Variants in P2RY14 observed in about 807,000 individuals in gnomAD.
The protein encoded by P2RY14 is P2Y purinoceptor 14.
P2RY14 carries 2 observed loss-of-function variants against 0.9 expected under a neutral mutation model. That is an observed-to-expected ratio of 2.16 (90% confidence interval 0.88 to 6.79). The LOEUF (loss-of-function observed/expected upper bound fraction) is 6.79, where lower values mean the gene tolerates loss of function less well. P2RY14 is among the 30% of genes most tolerant of loss of function. P2RY14 has a pLI of 0.05. For synonymous variants in P2RY14, 158 were observed against 147.2 expected (o/e 1.07, Z -0.53); for missense variants, 378 against 400.1 (o/e 0.94, Z 0.47).
At chr3:151,230,032 C>A (rs576619462) in intron 1 of P2RY14, among the ~76,000 whole-genome samples, 91 of 152,040 alleles carry the variant, frequency 6.0e-4, no homozygotes, top group African/African-American at 2.1e-3. Context: ...TGCAGTGGTG[C>A]GATCTCAGCT....
At chr3:151,216,580 A>G (rs1318128523) in intron 2 of P2RY14, among the ~76,000 whole-genome samples, 2 of 152,072 alleles carry the variant, frequency 1.3e-5, no homozygotes, top group East Asian at 3.9e-4. Flanking sequence ...GATAGACTTG[A>G]TTTTGCCAGT....
intron 1 of P2RY14, among the ~76,000 whole-genome samples, chr3:151,238,063 T>C (rs1733282722): frequency 6.6e-6 from 1 of 152,192 alleles, no homozygotes; most frequent in Non-Finnish European, 1.5e-5. Context: ...TTATCGTTTT[T>C]TTCTTTTCTA....
intron 1 of P2RY14, among the ~76,000 whole-genome samples, chr3:151,236,780 C>T (rs1247481488): frequency 1.3e-5 from 2 of 152,082 alleles, no homozygotes; most frequent in African/African-American, 4.8e-5. Flanking sequence ...TCATATATAT[C>T]GTACACATCC....
chr3:151,223,861 GCC>G, intron 1 of P2RY14, among the ~76,000 whole-genome samples: 1 of 152,110 alleles, frequency 6.6e-6, no homozygotes, highest in African/African-American at 2.4e-5. Flanking sequence ...AAAGAACATT[GCC>G]TACTCCTGGG....
At position 151,242,433 on chromosome 3, in the gene P2RY14, C is replaced by G. The variant is rs1368879054; in HGVS notation, c.-132-22791G>C. 2.2e-3 allele frequency among the ~76,000 whole-genome samples: 338 copies of G among 151,312 alleles called. 1 individual carries two copies. Among genetic ancestry groups the G allele is most frequent in the Middle Eastern group, 3.4e-3 (1 of 294 alleles). ...AGCACGCAGCTGGAGATCTGAGAACCGGCAGACTGCCTCCTCAAGTGGGTC... is the reference window on the plus strand; with the variant it reads ...AGCACGCAGCTGGAGATCTGAGAACGGGCAGACTGCCTCCTCAAGTGGGTC... On this transcript the variant is annotated intron_variant, in intron 1 of 2. Transcript: ENST00000309170.
chr3:151,255,855 A>G (rs1737718041), intron 1 of P2RY14, among the ~76,000 whole-genome samples: 1 of 152,190 alleles, frequency 6.6e-6, no homozygotes, highest in Non-Finnish European at 1.5e-5. Flanking sequence ...TCAGGCTGGT[A>G]ATGTAATCTC....
chr3:151,248,392 A>T (rs893999422), intron 1 of P2RY14, among the ~76,000 whole-genome samples: 2 of 152,064 alleles, frequency 1.3e-5, no homozygotes, highest in African/African-American at 4.8e-5. Context: ...TGGTTTCATT[A>T]TTTGTAGAGT....
intron 1 of P2RY14, among the ~76,000 whole-genome samples, chr3:151,262,241 G>A (rs1361538216): frequency 1.3e-5 from 2 of 152,202 alleles, no homozygotes; most frequent in Non-Finnish European, 2.9e-5. Context: ...GTTTCAGGAT[G>A]TATCCCATCA....
chr3:151,267,261 T>G (rs1434192010), intron 1 of P2RY14, among the ~76,000 whole-genome samples: 1 of 152,154 alleles, frequency 6.6e-6, no homozygotes, highest in Non-Finnish European at 1.5e-5. Context: ...GATTGTACAT[T>G]GTCATTTAGA....
intron 1 of P2RY14, among the ~76,000 whole-genome samples, chr3:151,223,767 TA>T (rs1330925340): frequency 6.6e-6 from 1 of 152,170 alleles, no homozygotes; most frequent in African/African-American, 2.4e-5. Context: ...ATGGGTTCAC[TA>T]GAAGCCCAAA....
intron 1 of P2RY14, among the ~76,000 whole-genome samples, chr3:151,252,448 A>G (rs377727728): frequency 6.6e-6 from 1 of 152,146 alleles, no homozygotes; most frequent in African/African-American, 2.4e-5. Context: ...GTTTCTCCCA[A>G]CTAGATTGGG....
chr3:151,237,677 A>C (rs1013139007), intron 1 of P2RY14, among the ~76,000 whole-genome samples: 1 of 152,094 alleles, frequency 6.6e-6, no homozygotes, highest in Non-Finnish European at 1.5e-5. Context: ...AAGAAGTTAC[A>C]CTAGTTTATA....
At chr3:151,236,548 G>A (rs1732858354) in intron 1 of P2RY14, among the ~76,000 whole-genome samples, 1 of 152,042 alleles carries the variant, frequency 6.6e-6, no homozygotes, top group Non-Finnish European at 1.5e-5. Context: ...TGTCTAAATG[G>A]TCCATCCTCC....
intron 1 of P2RY14, among the ~76,000 whole-genome samples, chr3:151,233,767 G>A (rs2149339704): frequency 6.6e-6 from 1 of 152,316 alleles, no homozygotes; most frequent in South Asian, 2.1e-4. Flanking sequence ...GCACCGACTT[G>A]AGAGCGAGAG....
chr3:151,246,445 A>T (rs1289414508), intron 1 of P2RY14, among the ~76,000 whole-genome samples: 2 of 152,068 alleles, frequency 1.3e-5, no homozygotes, highest in African/African-American at 4.8e-5. Context: ...GGAACAGAAC[A>T]GAGCCCTCAG....
intron 1 of P2RY14, among the ~76,000 whole-genome samples, chr3:151,273,757 A>G (rs1314118066): frequency 6.6e-6 from 1 of 152,214 alleles, no homozygotes; most frequent in Non-Finnish European, 1.5e-5. Flanking sequence ...CATTGTACAC[A>G]TAGGGACTGG....
At chr3:151,268,949 G>GAGAAAGAATTGT (rs1559962114) in intron 1 of P2RY14, among the ~76,000 whole-genome samples, 1 of 152,166 alleles carries the variant, frequency 6.6e-6, no homozygotes, top group East Asian at 1.9e-4. Context: ...TCTTCCTGAC[G>GAGAAAGAATTGT]AGAAAGAAGA....
chr3:151,238,006 T>C (rs916092520), intron 1 of P2RY14, among the ~76,000 whole-genome samples: 2 of 152,214 alleles, frequency 1.3e-5, no homozygotes, highest in African/African-American at 4.8e-5. Flanking sequence ...TTTTCACTTT[T>C]AAAGTTATAT....
At chr3:151,265,730 C>G (rs1739701639) in intron 1 of P2RY14, among the ~76,000 whole-genome samples, 2 of 152,074 alleles carry the variant, frequency 1.3e-5, no homozygotes, top group South Asian at 4.1e-4. Flanking sequence ...GGATGGTGTC[C>G]CCATCTCAGC....
Sources: allele counts gnomAD v4.1 joint callset (sites outside exome capture counted in the v4.1 genomes callset), GRCh38; gene constraint gnomAD v4.1.1; transcripts MANE v1.5; gene names NCBI Gene and HGNC (gene_info 2026-07-23, HGNC 2026-07-21).